Variants in LAMC1 observed in about 807,000 individuals in gnomAD.
LAMC1 encodes laminin subunit gamma 1.
In LAMC1, 38 loss-of-function variants were observed where a neutral mutation model predicts 173.6. The observed-to-expected ratio is 0.22, with a 90% CI of 0.17 to 0.29. The LOEUF is 0.29. Among genes scored for constraint, LAMC1 ranks in the 10% least tolerant of loss-of-function variants. LAMC1 has a pLI of 1.00. For missense variants in LAMC1, 1,824 were observed against 2,051.8 expected (o/e 0.89, Z 2.14); for synonymous variants, 746 against 749.1 (o/e 1.00, Z 0.07).
rs376409219 is a variant in LAMC1, at chr1:183,133,569, C to T, written c.3849+19C>T. On this transcript the variant is annotated intron_variant, in intron 22 of 27. Coordinates refer to ENST00000258341, the MANE Select transcript of LAMC1 (RefSeq NM_002293.4). ...ACTGGAGGTATGGGGGCAGCCTGTACGCACAGCCCCACCCCGTCTCTCCCC... is the reference window on the plus strand; with the variant it reads ...ACTGGAGGTATGGGGGCAGCCTGTATGCACAGCCCCACCCCGTCTCTCCCC... The T allele has an allele frequency of 1.2e-4, 189 of 1,597,108 alleles. No homozygotes were observed. The highest frequency in any genetic ancestry group is 6.7e-5 in the South Asian group (6 of 89,554).
chr1:183,078,642 A>G (rs1262093567), intron 1 of LAMC1, among the ~76,000 whole-genome samples: 1 of 152,142 alleles, frequency 6.6e-6, no homozygotes, highest in Non-Finnish European at 1.5e-5. Flanking sequence ...TTTAAAGGCA[A>G]CACTGTGAGA....
intron 1 of LAMC1, among the ~76,000 whole-genome samples, chr1:183,087,093 T>C (rs1655449246): frequency 6.6e-6 from 1 of 152,192 alleles, no homozygotes; most frequent in African/African-American, 2.4e-5. Flanking sequence ...TAATTATTTG[T>C]ATCTTATCTC....
chr1:183,107,626 C>A (rs1032518373), intron 2 of LAMC1, among the ~76,000 whole-genome samples: 1 of 152,114 alleles, frequency 6.6e-6, no homozygotes, highest in African/African-American at 2.4e-5. Context: ...GTCAGGAGAT[C>A]GAGACCATCC....
intron 1 of LAMC1, among the ~76,000 whole-genome samples, chr1:183,024,564 A>C (rs1653630845): frequency 1.3e-5 from 2 of 152,358 alleles, no homozygotes; most frequent in Admixed American, 6.5e-5. Flanking sequence ...AAATGTTTAG[A>C]TGTCCTTCCA....
Position 183,023,596 on chromosome 1 carries a change from C to T in LAMC1, c.-121C>T, listed in dbSNP as rs1245799584. 20 of 735,814 alleles carry T rather than the reference C, an allele frequency of 2.7e-5. No individual in the cohort carries two copies. Among genetic ancestry groups the T allele is most frequent in the Non-Finnish European group, 3.5e-5 (20 of 570,530 alleles). 45.6% of individuals were successfully genotyped at this position (735,814 alleles called of 1,614,324 possible). A position where few individuals can be genotyped will look rare whatever the true frequency, so the allele number is the denominator to read the frequency against. On this transcript the variant is annotated 5_prime_UTR_variant, in exon 1 of 28. Coordinates refer to ENST00000258341, the MANE Select transcript of LAMC1 (RefSeq NM_002293.4). The stretch of plus-strand genomic sequence containing the variant: ...CGCGAGCCGCCGCCACCGCCCGCGC[C>T]GGAGTCAGGCCCCTGGGCCCCCAGG...
intron 1 of LAMC1, among the ~76,000 whole-genome samples, chr1:183,068,360 A>G (rs1654928966): frequency 6.6e-6 from 1 of 152,208 alleles, no homozygotes. Flanking sequence ...AAGAAACAGT[A>G]AGCTAGTACT....
chr1:183,039,050 C>T (rs996413903), intron 1 of LAMC1, among the ~76,000 whole-genome samples: 2 of 152,132 alleles, frequency 1.3e-5, no homozygotes, highest in African/African-American at 4.8e-5. Context: ...TAGACTCGTG[C>T]ATCTGTGCTA....
intron 26 of LAMC1, among the ~76,000 whole-genome samples, chr1:183,139,161 C>T (rs1464628652): frequency 6.6e-6 from 1 of 152,020 alleles, no homozygotes; most frequent in Non-Finnish European, 1.5e-5. Flanking sequence ...AAAAAGAAAA[C>T]AGTATATTCT....
At chr1:183,095,514 G>A (rs1253614166) in intron 1 of LAMC1, among the ~76,000 whole-genome samples, 1 of 152,012 alleles carries the variant, frequency 6.6e-6, no homozygotes, top group African/African-American at 2.4e-5. Context: ...ATATTTAATT[G>A]CCTTTTTATT....
At chr1:183,072,636 G>A (rs1334390082) in intron 1 of LAMC1, among the ~76,000 whole-genome samples, 4 of 152,320 alleles carry the variant, frequency 2.6e-5, no homozygotes, top group East Asian at 1.9e-4. Flanking sequence ...GCCACGAACC[G>A]GTACCAGTCT....
intron 1 of LAMC1, among the ~76,000 whole-genome samples, chr1:183,062,612 T>G (rs1266658509): frequency 6.6e-6 from 1 of 152,042 alleles, no homozygotes; most frequent in Non-Finnish European, 1.5e-5. Context: ...ACCACTACGC[T>G]CCAGCCTGGG....
chr1:183,131,480 C>G (rs912916536), intron 20 of LAMC1, 102 bp downstream of exon 20: 1 of 652,010 alleles, frequency 1.5e-6, no homozygotes, highest in Admixed American at 2.7e-5. Context: ...TCCCATAACC[C>G]ATAAACACTT....
Position 183,128,644 on chromosome 1 carries a change from C to T in LAMC1, c.3174C>T (p.Asn1058=), listed in dbSNP as rs1332079009. 5 of 1,613,512 alleles carry T rather than the reference C, an allele frequency of 3.1e-6. No individual in the cohort carries two copies. The East Asian group carries it at 8.9e-5, about 29-fold the overall frequency. ...AGGAATTAGAGAGTCTCATAGCAAACCTTGGAACTGGGGATGAGATGGTGA... is the reference window on the plus strand; with the variant it reads ...AGGAATTAGAGAGTCTCATAGCAAATCTTGGAACTGGGGATGAGATGGTGA... ...KLQELESLIA[N]LGTGDEMVTD... Residue 1058 remains asparagine (N), a synonymous_variant, in exon 18 of 28, where the codon AAC becomes AAT. Coordinates refer to ENST00000258341, the MANE Select transcript of LAMC1 (RefSeq NM_002293.4).
intron 1 of LAMC1, among the ~76,000 whole-genome samples, chr1:183,084,051 A>T (rs1352086183): frequency 1.3e-5 from 2 of 152,220 alleles, no homozygotes; most frequent in Non-Finnish European, 2.9e-5. Context: ...GCCTCAAAGT[A>T]TTCTTTAAAA....
In LAMC1 at chr1:183,103,432, T is replaced by C. The variant is rs758697363; in HGVS notation, c.523T>C (p.Tyr175His). Residue 175 changes from tyrosine to histidine, a missense_variant, in exon 2 of 28, where the codon TAC becomes CAC. Physicochemically the swap from Tyr to His is moderately conservative, Grantham distance 83. Coordinates refer to ENST00000258341, the MANE Select transcript of LAMC1 (RefSeq NM_002293.4). ...RTREDGPWIPYQYYSGSCENT... is the reference protein window; with the variant it reads ...RTREDGPWIPHQYYSGSCENT... Reference sequence around the variant, plus strand: ...ACGGGAAGACGGGCCCTGGATTCCTTACCAGTACTACAGTGGTTCCTGTGA... The same window carrying C: ...ACGGGAAGACGGGCCCTGGATTCCTCACCAGTACTACAGTGGTTCCTGTGA... 3.1e-6 allele frequency: 5 copies of C among 1,614,060 alleles called. No individual in the cohort carries two copies. In the African/African-American group the frequency reaches 6.7e-5, roughly 22 times the overall value.
At chr1:183,056,162 C>T (rs1654589494) in intron 1 of LAMC1, among the ~76,000 whole-genome samples, 1 of 152,204 alleles carries the variant, frequency 6.6e-6, no homozygotes, top group Admixed American at 6.5e-5. Flanking sequence ...GGATCTCAGG[C>T]CAGCCATGCT....
chr1:183,066,967 A>T (rs973483946), intron 1 of LAMC1, among the ~76,000 whole-genome samples: 4 of 150,322 alleles, frequency 2.7e-5, no homozygotes, highest in African/African-American at 7.5e-5. Flanking sequence ...AGTATAATTT[A>T]AAAAAAAATG....
chr1:183,057,417 T>C (rs1457048850), intron 1 of LAMC1, among the ~76,000 whole-genome samples: 3 of 152,208 alleles, frequency 2.0e-5, no homozygotes, highest in Non-Finnish European at 4.4e-5. Flanking sequence ...GTTGCCTGAC[T>C]CTCTGAAAAC....
intron 1 of LAMC1, among the ~76,000 whole-genome samples, chr1:183,062,079 G>A (rs1047433996): frequency 2.0e-5 from 3 of 152,284 alleles, no homozygotes; most frequent in African/African-American, 7.2e-5. Context: ...TATAAAACAG[G>A]TAAGAATAGT....
Sources: allele counts gnomAD v4.1 joint callset (sites outside exome capture counted in the v4.1 genomes callset), GRCh38; gene constraint gnomAD v4.1.1; transcripts MANE v1.5; gene names NCBI Gene and HGNC (gene_info 2026-07-23, HGNC 2026-07-21).